The following ADGRB3 variants were observed in gnomAD, a reference collection of about 807,000 sequenced individuals.
ADGRB3 encodes brain-specific angiogenesis inhibitor 3.
Under a neutral mutation model 193.4 loss-of-function variants are expected in ADGRB3, and 37 were observed. The observed-to-expected ratio is 0.19, with a 90% CI of 0.15 to 0.25. The LOEUF is 0.25. Among genes scored for constraint, ADGRB3 ranks in the 10% least tolerant of loss-of-function variants. ADGRB3 has a pLI of 1.00. For synonymous variants in ADGRB3, 690 were observed against 644.2 expected (o/e 1.07, Z -1.08); for missense variants, 1,637 against 1,852.9 (o/e 0.88, Z 2.14).
At chr6:69,212,207 G>T (rs1172861141) in intron 17 of ADGRB3, among the ~76,000 whole-genome samples, 1 of 152,148 alleles carries the variant, frequency 6.6e-6, no homozygotes, top group Non-Finnish European at 1.5e-5. Flanking sequence ...TTATTTGCCT[G>T]TGAAACGTGT....
chr6:68,870,608 C>T (rs1238251920), intron 3 of ADGRB3, among the ~76,000 whole-genome samples: 4 of 152,112 alleles, frequency 2.6e-5, no homozygotes, highest in Admixed American at 2.6e-4. Flanking sequence ...ATTGATCCCC[C>T]GAGTTATCCG....
intron 3 of ADGRB3, among the ~76,000 whole-genome samples, chr6:68,690,706 A>G (rs1464623835): frequency 1.3e-5 from 2 of 152,108 alleles, no homozygotes; most frequent in Admixed American, 6.6e-5. Flanking sequence ...CCTCAGCCAT[A>G]AGAGATTGGA....
intron 17 of ADGRB3, among the ~76,000 whole-genome samples, chr6:69,215,188 T>TA (rs1765750819): frequency 6.6e-6 from 1 of 152,160 alleles, no homozygotes; most frequent in South Asian, 2.1e-4. Flanking sequence ...ACATTAGAGA[T>TA]ACGATTGGAT....
intron 3 of ADGRB3, among the ~76,000 whole-genome samples, chr6:68,717,030 A>G (rs1399299520): frequency 1.3e-5 from 2 of 151,666 alleles, no homozygotes; most frequent in African/African-American, 4.8e-5. Context: ...ATCTTTCTAC[A>G]TGGGATATTC....
chr6:68,773,228 A>G (rs1386861581), intron 3 of ADGRB3, among the ~76,000 whole-genome samples: 4 of 152,064 alleles, frequency 2.6e-5, no homozygotes, highest in Admixed American at 1.3e-4. Context: ...GTTTAAAGAA[A>G]CTAGGCAATT....
chr6:69,068,358 T>G (rs1420482217), intron 16 of ADGRB3, among the ~76,000 whole-genome samples: 1 of 152,228 alleles, frequency 6.6e-6, no homozygotes, highest in Non-Finnish European at 1.5e-5. Context: ...ACATAGGCTA[T>G]ATATTGTACC....
At chr6:69,264,523 T>TA (rs1766999766) in intron 20 of ADGRB3, among the ~76,000 whole-genome samples, 1 of 151,872 alleles carries the variant, frequency 6.6e-6, no homozygotes, top group Admixed American at 6.6e-5. Context: ...CTTTTTTTTT[T>TA]ATTTATTTAG....
At chr6:69,006,751 A>G (rs1238102320) in intron 11 of ADGRB3, among the ~76,000 whole-genome samples, 1 of 151,882 alleles carries the variant, frequency 6.6e-6, no homozygotes, top group Non-Finnish European at 1.5e-5. Context: ...CAGGAGATCC[A>G]CCCACCTAGG....
intron 3 of ADGRB3, among the ~76,000 whole-genome samples, chr6:68,840,941 G>T (rs1164625838): frequency 6.6e-6 from 1 of 152,072 alleles, no homozygotes; most frequent in Non-Finnish European, 1.5e-5. Flanking sequence ...CCAAAAATGA[G>T]CAGTAGCTAT....
chr6:69,304,213 C>A (rs1421756973), intron 20 of ADGRB3, among the ~76,000 whole-genome samples: 1 of 151,726 alleles, frequency 6.6e-6, no homozygotes, highest in Non-Finnish European at 1.5e-5. Flanking sequence ...ATTTGGGTTG[C>A]TGATATTGCA....
chr6:68,737,207 A>G (rs1765889400), intron 3 of ADGRB3, among the ~76,000 whole-genome samples: 1 of 152,158 alleles, frequency 6.6e-6, no homozygotes, highest in African/African-American at 2.4e-5. Flanking sequence ...TGAATCAAGT[A>G]TAAGAATTGT....
chr6:69,083,114 T>C (rs1219437719), intron 17 of ADGRB3, among the ~76,000 whole-genome samples: 3 of 152,188 alleles, frequency 2.0e-5, no homozygotes, highest in Non-Finnish European at 4.4e-5. Context: ...AAAAATCTTA[T>C]TGCTGGAAAT....
intron 8 of ADGRB3, among the ~76,000 whole-genome samples, chr6:68,963,371 G>T (rs1436225204): frequency 6.6e-6 from 1 of 151,996 alleles, no homozygotes; most frequent in Non-Finnish European, 1.5e-5. Context: ...CTTCCACACA[G>T]ATTTATCTGA....
At chr6:69,048,055 G>C (rs772513665) in intron 13 of ADGRB3, 130 bp from the exon 14 acceptor site, 24 of 980,934 alleles carry the variant, frequency 2.4e-5, no homozygotes, top group Non-Finnish European at 3.6e-5. Context: ...AAGTTATTTT[G>C]TTGCTCTGAT....
At chr6:69,276,527 G>T (rs552743532) in intron 20 of ADGRB3, among the ~76,000 whole-genome samples, 1 of 152,168 alleles carries the variant, frequency 6.6e-6, no homozygotes, top group East Asian at 1.9e-4. Flanking sequence ...TCCCATCAAG[G>T]TTTTCCACTT....
intron 3 of ADGRB3, among the ~76,000 whole-genome samples, chr6:68,928,620 A>T (rs1165854578): frequency 1.3e-5 from 2 of 152,184 alleles, no homozygotes; most frequent in African/African-American, 2.4e-5. Context: ...GCCTATTATC[A>T]TGCTGCCACT....
At chr6:68,781,859 A>C (rs1053996723) in intron 3 of ADGRB3, among the ~76,000 whole-genome samples, 25 of 152,074 alleles carry the variant, frequency 1.6e-4, no homozygotes, top group African/African-American at 6.0e-4. Context: ...GAGCCAAGAA[A>C]ACATAGCTTC....
At chr6:68,699,296 G>A (rs1161057870) in intron 3 of ADGRB3, among the ~76,000 whole-genome samples, 1 of 152,024 alleles carries the variant, frequency 6.6e-6, no homozygotes, top group Admixed American at 6.6e-5. Context: ...AAACTAGCAC[G>A]TAAATGAGGC....
chr6:69,268,263 T>C (rs918768213), intron 20 of ADGRB3, among the ~76,000 whole-genome samples: 1 of 152,172 alleles, frequency 6.6e-6, no homozygotes, highest in Admixed American at 6.6e-5. Flanking sequence ...ACAATTATAA[T>C]TTTGAAATCC....
Sources: gnomAD v4.1 joint callset for allele counts (sites outside exome capture counted in the v4.1 genomes callset) on GRCh38, gnomAD v4.1.1 for gene constraint, MANE v1.5 for transcripts, NCBI Gene and HGNC (gene_info 2026-07-23, HGNC 2026-07-21) for gene names.